Variants in SFT2D2 observed in about 807,000 individuals in gnomAD.
SFT2D2 encodes the protein vesicle transport protein SFT2B.
SFT2D2 carries 21 observed loss-of-function variants against 27.4 expected under a neutral mutation model. The ratio of observed to expected loss-of-function variants is 0.77; its 90% CI spans 0.54 to 1.10. The LOEUF is 1.10. Ranked by LOEUF, SFT2D2 falls within the 50% of genes least tolerant of loss-of-function variation. The probability of loss-of-function intolerance (pLI) is 0.00; values close to 1 mark genes in which losing one functional copy is unlikely to be tolerated. For missense variants in SFT2D2, 187 were observed against 194.2 expected (o/e 0.96, Z 0.22); for synonymous variants, 72 against 71.7 (o/e 1.00, Z -0.02).
In SFT2D2 at chr1:168,231,868, T is replaced by G; in HGVS notation, c.185T>G (p.Leu62Arg). ...TVLLWVPRKG[L>R]HLFAVFYTFG... ...CTGCTGTGGGTGCCCAGGAAGGGAC[T>G]ACACCTCTTCGCAGTGTTTTATACC... The change falls in exon 3 of 8, where the codon CTA becomes CGA. Residue 62 changes from leucine (L) to arginine (R), a missense_variant. Leu to Arg is a moderately radical substitution (Grantham distance 102). Coordinates refer to ENST00000271375, the MANE Select transcript of SFT2D2 (RefSeq NM_199344.3). 6.2e-7 allele frequency: 1 copy of G among 1,614,190 alleles called. No individual in the cohort carries two copies. The highest frequency in any genetic ancestry group is 8.5e-7 in the Non-Finnish European group (1 of 1,180,032).
rs909720094 is a variant in SFT2D2, at chr1:168,250,154, A to G, written c.*7614A>G. 1 of 152,186 alleles carries G rather than the reference A, an allele frequency of 6.6e-6. No individual in the cohort carries two copies. The highest frequency in any genetic ancestry group is 2.4e-5 in the African/African-American group (1 of 41,446). 9.4% of individuals were successfully genotyped at this position (152,186 alleles called of 1,614,324 possible). On this transcript the variant is annotated 3_prime_UTR_variant, in exon 8 of 8. Transcript: ENST00000271375. ...CTCACGGCCTGTGGCCAGTTTGCTC[A>G]GACAGCTCCCATCAGGACACCATTG...
Position 168,239,168 on chromosome 1 carries a change from T to A in SFT2D2, c.443+8T>A. The stretch of plus-strand genomic sequence containing the variant: ...CTTCATACCATTTGCAAGGTAAGAC[T>A]GTGTATTTGGAAATAATGATTTCTG... On this transcript the variant is annotated splice_region_variant and intron_variant, in intron 7 of 7. Coordinates refer to ENST00000271375, the MANE Select transcript of SFT2D2 (RefSeq NM_199344.3). The A allele has an allele frequency of 1.3e-6, 2 of 1,595,360 alleles. No homozygotes were observed. Among genetic ancestry groups the A allele is most frequent in the Non-Finnish European group, 1.7e-6 (2 of 1,163,308 alleles).
chr1:168,239,482 AG>A (rs1489501214), intron 7 of SFT2D2, among the ~76,000 whole-genome samples: 7 of 147,066 alleles, frequency 4.8e-5, no homozygotes, highest in African/African-American at 1.8e-4. Flanking sequence ...TTTTTTATAA[AG>A]GTGAATGTCA....
rs1647977900 is a variant in SFT2D2, at chr1:168,252,808, C to T, written c.*10268C>T. The stretch of plus-strand genomic sequence containing the variant: ...AAATACTCATAACTAATTTTGAATG[C>T]TACTGATTGTGTAACTGAATTTTTG... On this transcript the variant is annotated 3_prime_UTR_variant, in exon 8 of 8. Coordinates refer to ENST00000271375, the MANE Select transcript of SFT2D2 (RefSeq NM_199344.3). 2 of 152,188 alleles carry T rather than the reference C, an allele frequency of 1.3e-5. No homozygotes were observed. Among genetic ancestry groups the T allele is most frequent in the Non-Finnish European group, 2.9e-5 (2 of 68,026 alleles). 9.4% of individuals were successfully genotyped at this position (152,188 alleles called of 1,614,324 possible).
intron 1 of SFT2D2, among the ~76,000 whole-genome samples, chr1:168,231,033 G>A (rs748870298): frequency 6.6e-6 from 1 of 152,242 alleles, no homozygotes; most frequent in Non-Finnish European, 1.5e-5. Flanking sequence ...GAGAGTTGAT[G>A]TAGGAGACGA....
Position 168,246,565 on chromosome 1 carries a change from A to G in SFT2D2, c.*4025A>G, listed in dbSNP as rs1215336744. ...AGCTTTAGAAAGTTGCTGAGAAAGAATCAGAACATGAGAATTCAAATTTTC... is the reference window on the plus strand; with the variant it reads ...AGCTTTAGAAAGTTGCTGAGAAAGAGTCAGAACATGAGAATTCAAATTTTC... On this transcript the variant is annotated 3_prime_UTR_variant, in exon 8 of 8. Coordinates refer to ENST00000271375, the MANE Select transcript of SFT2D2 (RefSeq NM_199344.3). 3 of 1,513,096 alleles carry G rather than the reference A, an allele frequency of 2.0e-6. No homozygotes were observed. Among genetic ancestry groups the G allele is most frequent in the Non-Finnish European group, 2.7e-6 (3 of 1,105,648 alleles). 93.7% of individuals were successfully genotyped at this position (1,513,096 alleles called of 1,614,324 possible).
chr1:168,231,979 T>C (rs1647334605), intron 3 of SFT2D2, 60 bp downstream of exon 3: 1 of 1,492,270 alleles, frequency 6.7e-7, no homozygotes, highest in Non-Finnish European at 9.3e-7. Flanking sequence ...TGGATGTTGG[T>C]TGCCCTTGAG....
At chr1:168,234,164 G>T (rs1180599520) in intron 3 of SFT2D2, among the ~76,000 whole-genome samples, 1 of 152,096 alleles carries the variant, frequency 6.6e-6, no homozygotes, top group Non-Finnish European at 1.5e-5. Context: ...TTGGGAGGCC[G>T]AGTTGGGCGG....
chr1:168,233,105 C>G (rs1304892285), intron 3 of SFT2D2, among the ~76,000 whole-genome samples: 1 of 152,206 alleles, frequency 6.6e-6, no homozygotes, highest in African/African-American at 2.4e-5. Flanking sequence ...TCTTTGAGAT[C>G]TGGCTTCACC....
chr1:168,231,424 T>TA, intron 1 of SFT2D2, 90 bp from the exon 2 acceptor site: 1 of 1,131,248 alleles, frequency 8.8e-7, no homozygotes, highest in Non-Finnish European at 1.3e-6. Flanking sequence ...CCTTCCCTAA[T>TA]ACAACTTAAC....
rs959627663 is a variant in SFT2D2 at position 168,249,580 on chromosome 1, C to T, written c.*7040C>T. The T allele has an allele frequency of 6.6e-6, 1 of 152,322 alleles. No individual in the cohort carries two copies. Among genetic ancestry groups the T allele is most frequent in the African/African-American group, 2.4e-5 (1 of 41,272 alleles). 9.4% of individuals were successfully genotyped at this position (152,322 alleles called of 1,614,324 possible). ...TGGATTGACTTTGTGGGACATGAGG[C>T]CAAGGTACCTTTTAAGATGTCACCT... is the stretch of plus-strand genomic sequence containing the variant. On this transcript the variant is annotated 3_prime_UTR_variant, in exon 8 of 8. Coordinates refer to ENST00000271375, the MANE Select transcript of SFT2D2 (RefSeq NM_199344.3).
chr1:168,242,614 G>A lies in SFT2D2; in HGVS notation c.*74G>A, dbSNP rs992405645. The A allele has an allele frequency of 4.5e-6, 7 of 1,546,322 alleles. No individual in the cohort carries two copies. Among genetic ancestry groups the A allele is most frequent in the East Asian group, 2.2e-5 (1 of 44,528 alleles). On this transcript the variant is annotated 3_prime_UTR_variant, in exon 8 of 8. Coordinates refer to ENST00000271375, the MANE Select transcript of SFT2D2 (RefSeq NM_199344.3). ...GGTGGACAGTTTTGTAACTATCTTC[G>A]AAACCTCTGTCTTACAGACATGTGC... is the stretch of plus-strand genomic sequence containing the variant.
intron 1 of SFT2D2, among the ~76,000 whole-genome samples, chr1:168,231,273 A>G (rs113084863): frequency 0.014 from 2,175 of 152,140 alleles, 56 homozygotes; most frequent in African/African-American, 0.051. Flanking sequence ...AGGAGTTTCT[A>G]CCTCTGAAGA....
At chr1:168,231,640 G>A in intron 2 of SFT2D2, 40 bp downstream of exon 2, 2 of 1,591,176 alleles carry the variant, frequency 1.3e-6, no homozygotes, top group African/African-American at 2.7e-5. Context: ...CCTTCTACCT[G>A]TCTTTGCTAT....
intron 6 of SFT2D2, 61 bp from the exon 7 acceptor site, chr1:168,239,070 T>C (rs12142742): frequency 0.63 from 774,936 of 1,226,844 alleles, 249,523 homozygotes; most frequent in Non-Finnish European, 0.67. Context: ...AAGCCCATTC[T>C]GCTGGATAAT....
At chr1:168,231,625 CT>C in intron 2 of SFT2D2, 25 bp downstream of exon 2, 1 of 1,604,738 alleles carries the variant, frequency 6.2e-7, no homozygotes, top group Non-Finnish European at 8.5e-7. Context: ...CCTCCTCTGT[CT>C]TTTCCTTCTA....
intron 7 of SFT2D2, among the ~76,000 whole-genome samples, chr1:168,241,248 C>T (rs1048934175): frequency 2.5e-5 from 3 of 119,120 alleles, no homozygotes; most frequent in Non-Finnish European, 4.9e-5. Flanking sequence ...CACTCTATGG[C>T]CCAGGCTGGA....
Position 168,247,032 on chromosome 1 carries a change from G to A in SFT2D2, c.*4492G>A, listed in dbSNP as rs1439771829. The stretch of plus-strand genomic sequence containing the variant: ...ACTATCAGAAATCTCAAACTGCAGA[G>A]TTCTTGTTCCCATTCAAGTTTTTGA... On this transcript the variant is annotated 3_prime_UTR_variant, in exon 8 of 8. Coordinates refer to ENST00000271375, the MANE Select transcript of SFT2D2 (RefSeq NM_199344.3). 3 of 461,018 alleles carry A rather than the reference G, an allele frequency of 6.5e-6. No homozygotes were observed. Among genetic ancestry groups the A allele is most frequent in the Admixed American group, 6.4e-5 (2 of 31,238 alleles). The allele number at this position is 461,018 out of a possible 1,614,324, so 28.6% of individuals were successfully genotyped here.
rs898722660 is a variant in SFT2D2 at position 168,252,403 on chromosome 1, T to G, written c.*9863T>G. 1 of 152,250 alleles carries G rather than the reference T, an allele frequency of 6.6e-6. No individual in the cohort carries two copies. Among genetic ancestry groups the G allele is most frequent in the Non-Finnish European group, 1.5e-5 (1 of 68,036 alleles). 9.4% of individuals were successfully genotyped at this position (152,250 alleles called of 1,614,324 possible). ...ATTGCAGCTGGTATTTGGGTGAATGTTGTTGCTCTGTGCCTGTTGAATGTC... is the reference window on the plus strand; with the variant it reads ...ATTGCAGCTGGTATTTGGGTGAATGGTGTTGCTCTGTGCCTGTTGAATGTC... On this transcript the variant is annotated 3_prime_UTR_variant, in exon 8 of 8. Coordinates refer to ENST00000271375, the MANE Select transcript of SFT2D2 (RefSeq NM_199344.3).
Sources: gnomAD v4.1 joint callset for allele counts (sites outside exome capture counted in the v4.1 genomes callset) on GRCh38, gnomAD v4.1.1 for gene constraint, MANE v1.5 for transcripts, NCBI Gene and HGNC (gene_info 2026-07-23, HGNC 2026-07-21) for gene names.